SEC14L5: variants seen among roughly 807,000 people sequenced by gnomAD.
SEC14L5 encodes SEC14-like protein 5.
SEC14L5 carries 96 observed loss-of-function variants against 84.6 expected under a neutral mutation model. The ratio of observed to expected loss-of-function variants is 1.13; its 90% confidence interval spans 0.96 to 1.34. The LOEUF is 1.34. Ranked by LOEUF, SEC14L5 falls within the 40% of genes most tolerant of loss-of-function variation. SEC14L5 has a pLI of 0.00. For synonymous variants in SEC14L5, 546 were observed against 383.4 expected (o/e 1.42, Z -4.95); for missense variants, 1,224 against 942.5 (o/e 1.30, Z -3.91).
At chr16:4,972,456 C>T (rs1029544810) in intron 2 of SEC14L5, among the ~76,000 whole-genome samples, 6 of 152,206 alleles carry the variant, frequency 3.9e-5, no homozygotes, top group East Asian at 1.9e-4. Flanking sequence ...CATCCCAAAC[C>T]GGACTCTGTA....
At chr16:5,010,130 G>C (rs1482792367) in intron 14 of SEC14L5, among the ~76,000 whole-genome samples, 1 of 132,332 alleles carries the variant, frequency 7.6e-6, no homozygotes, top group Non-Finnish European at 1.5e-5. Context: ...ATCATCTGAA[G>C]TCAGGAGTTC....
At chr16:5,009,345 C>T (rs1279615392) in intron 14 of SEC14L5, among the ~76,000 whole-genome samples, 1 of 152,112 alleles carries the variant, frequency 6.6e-6, no homozygotes, top group East Asian at 1.9e-4. Flanking sequence ...TCACTCTATC[C>T]ATGATCAGGA....
rs370690241 is a variant in SEC14L5 at position 4,974,846 on chromosome 16, C to T, written c.64-12711C>T. 9.2e-5 allele frequency among the ~76,000 whole-genome samples: 14 copies of T among 151,646 alleles called. No homozygotes were observed. The East Asian group carries it at 1.2e-3, about 13-fold the overall frequency. On this transcript the variant is annotated intron_variant, in intron 2 of 15. Coordinates refer to ENST00000251170, the MANE Select transcript of SEC14L5 (RefSeq NM_014692.2). ...AGGCTGGAGTACAGTGGTGTGATCTCGGCTCACTGCAACCTCTGCCTCCTG... is the reference window on the plus strand; with the variant it reads ...AGGCTGGAGTACAGTGGTGTGATCTTGGCTCACTGCAACCTCTGCCTCCTG...
At chr16:5,009,077 C>T (rs1415315683) in intron 14 of SEC14L5, among the ~76,000 whole-genome samples, 1 of 152,196 alleles carries the variant, frequency 6.6e-6, no homozygotes, top group Non-Finnish European at 1.5e-5. Context: ...AAGGTGTTGG[C>T]AGGGCCACGC....
At chr16:5,011,612 T>G (rs1955805487) in intron 15 of SEC14L5, among the ~76,000 whole-genome samples, 1 of 152,224 alleles carries the variant, frequency 6.6e-6, no homozygotes, top group Non-Finnish European at 1.5e-5. Flanking sequence ...TGGGAATATT[T>G]TAGAATATTC....
At chr16:4,994,446 C>T (rs757726571) in intron 6 of SEC14L5, among the ~76,000 whole-genome samples, 9 of 152,042 alleles carry the variant, frequency 5.9e-5, no homozygotes, top group East Asian at 5.8e-4. Context: ...TGGGTTCAAA[C>T]GATTCTCCTG....
chr16:4,998,678 C>T (rs1356066158), intron 8 of SEC14L5, among the ~76,000 whole-genome samples: 27 of 130,838 alleles, frequency 2.1e-4, no homozygotes, highest in Non-Finnish European at 1.2e-4. Context: ...GCGGAGCTTG[C>T]AGTGAGCCGA....
Position 4,958,943 on chromosome 16 carries a change from C to G in SEC14L5, c.-51-330C>G, listed in dbSNP as rs1177941736. On this transcript the variant is annotated intron_variant, in intron 1 of 15. Coordinates refer to ENST00000251170, the MANE Select transcript of SEC14L5 (RefSeq NM_014692.2). ...CTGCGGGGTGCATGCGTGAATAGAA[C>G]CGTGGGAGTGTAAGAATTGCAAATG... is the stretch of plus-strand genomic sequence containing the variant. 2.0e-5 allele frequency among the ~76,000 whole-genome samples: 3 copies of G among 151,708 alleles called. No homozygotes were observed. In the East Asian group the frequency reaches 5.8e-4, roughly 29 times the overall value.
Position 5,015,210 on chromosome 16 carries a change from A to G in SEC14L5, c.*240A>G. The G allele has an allele frequency of 1.9e-6, 1 of 533,580 alleles. No homozygotes were observed. The highest frequency in any genetic ancestry group is 3.3e-6 in the Non-Finnish European group (1 of 300,124). The allele number at this position is 533,580 out of a possible 1,614,324, so 33.1% of individuals were successfully genotyped here. The stretch of plus-strand genomic sequence containing the variant: ...CTTCCGGCTTCGTGTAAGGAAGACC[A>G]AGCCAAGGCCAAGGTGTCTACCATA... On this transcript the variant is annotated 3_prime_UTR_variant, in exon 16 of 16. Coordinates refer to ENST00000251170, the MANE Select transcript of SEC14L5 (RefSeq NM_014692.2).
intron 2 of SEC14L5, among the ~76,000 whole-genome samples, chr16:4,960,285 G>A (rs1031025403): frequency 2.0e-5 from 3 of 152,114 alleles, no homozygotes; most frequent in African/African-American, 7.2e-5. Context: ...GCTGTGTGCC[G>A]GGCACACAGT....
rs796112216 is a variant in SEC14L5 at position 5,011,484 on chromosome 16, G to A, written c.1979+211G>A. On this transcript the variant is annotated intron_variant, in intron 15 of 15. Transcript: ENST00000251170. ...GCGTCTAACTCTGCTTCCGAAGCAG[G>A]GATTTTCCTTCAAATGAAACCTTGG... Among the ~76,000 whole-genome samples the A allele has an allele frequency of 2.0e-5, 3 of 152,158 alleles. No homozygotes were observed. The East Asian group carries it at 5.8e-4, about 29-fold the overall frequency.
At position 4,991,984 on chromosome 16, in the gene SEC14L5, G is replaced by GC; in HGVS notation, c.625dup (p.Arg209ProfsTer2). Reference sequence around the variant, plus strand: ...ACCCCAGCTCCCTGGAGGCCCACGGGCCCCGTAGCACCCTGGGGCCCGCTC... The same window carrying GC: ...ACCCCAGCTCCCTGGAGGCCCACGGGCCCCCGTAGCACCCTGGGGCCCGCTC... On this transcript the variant is annotated frameshift_variant, in exon 6 of 16. Transcript: ENST00000251170. LOFTEE classifies it high-confidence loss of function. 6.3e-7 allele frequency: 1 copy of GC among 1,586,052 alleles called. No individual in the cohort carries two copies. Among genetic ancestry groups the GC allele is most frequent in the Non-Finnish European group, 8.5e-7 (1 of 1,171,318 alleles).
intron 2 of SEC14L5, among the ~76,000 whole-genome samples, chr16:4,976,173 C>T (rs1427592645): frequency 6.6e-6 from 1 of 152,218 alleles, no homozygotes; most frequent in African/African-American, 2.4e-5. Context: ...CATGAGCTGA[C>T]TCCTTTATTC....
intron 4 of SEC14L5, among the ~76,000 whole-genome samples, 168 bp downstream of exon 4, chr16:4,988,448 A>G (rs554562461): frequency 3.9e-5 from 6 of 152,330 alleles, no homozygotes; most frequent in African/African-American, 1.4e-4. Context: ...ATTCCGATGA[A>G]CAACCCATAA....
chr16:4,996,808 G>C, intron 7 of SEC14L5, 47 bp from the exon 8 acceptor site: 2 of 1,458,512 alleles, frequency 1.4e-6, no homozygotes, highest in Non-Finnish European at 9.4e-7. Flanking sequence ...TTATCTGCTG[G>C]GTCAGGGGAT....
At chr16:4,999,290 A>G (rs1365507249) in intron 8 of SEC14L5, among the ~76,000 whole-genome samples, 1 of 152,092 alleles carries the variant, frequency 6.6e-6, no homozygotes, top group Non-Finnish European at 1.5e-5. Flanking sequence ...CAGATCAGCA[A>G]TATGCATTCA....
chr16:4,987,791 G>T (rs1420455447), intron 3 of SEC14L5, 85 bp downstream of exon 3: 3 of 1,077,248 alleles, frequency 2.8e-6, no homozygotes, highest in Non-Finnish European at 3.8e-6. Flanking sequence ...GGGGACCAGG[G>T]CGGCGGGGTC....
Position 4,991,997 on chromosome 16 carries a change from C to G in SEC14L5, c.634C>G (p.Leu212Val), listed in dbSNP as rs779262556. ...SLEAHGPRST[L>V]GPALEAVSMD... The stretch of plus-strand genomic sequence containing the variant: ...GGAGGCCCACGGGCCCCGTAGCACC[C>G]TGGGGCCCGCTCTGGAGGCGGTCAG... Residue 212 changes from leucine (L) to valine (V), a missense_variant, in exon 6 of 16, where the codon CTG (leucine) becomes GTG (valine). Coordinates refer to ENST00000251170, the MANE Select transcript of SEC14L5 (RefSeq NM_014692.2). 1 of 1,580,932 alleles carries G rather than the reference C, an allele frequency of 6.3e-7. No homozygotes were observed. The highest frequency in any genetic ancestry group is 1.1e-5 in the South Asian group (1 of 87,694).
At chr16:4,998,188 T>A (rs951057221) in intron 8 of SEC14L5, among the ~76,000 whole-genome samples, 8 of 151,406 alleles carry the variant, frequency 5.3e-5, no homozygotes, top group African/African-American at 1.9e-4. Flanking sequence ...GTACTTTTAG[T>A]AGAGATGGGG....
Sources: gnomAD v4.1 joint callset for allele counts (sites outside exome capture counted in the v4.1 genomes callset) on GRCh38, gnomAD v4.1.1 for gene constraint, MANE v1.5 for transcripts, NCBI Gene and HGNC (gene_info 2026-07-23, HGNC 2026-07-21) for gene names.